Variants in WDSUB1 observed in about 807,000 individuals in gnomAD.
WDSUB1 encodes WD repeat, SAM and U-box domain-containing protein 1.
A neutral mutation model predicts 53.9 loss-of-function variants in WDSUB1; 49 were observed. The ratio of observed to expected loss-of-function variants is 0.91; its 90% CI spans 0.72 to 1.15. The LOEUF (loss-of-function observed/expected upper bound fraction) is 1.15. Among genes scored for constraint, WDSUB1 ranks in the 50% most tolerant of loss-of-function variants. WDSUB1 has a pLI of 0.00. For synonymous variants in WDSUB1, 194 were observed against 200.6 expected (o/e 0.97, Z 0.28); for missense variants, 514 against 562.0 (o/e 0.91, Z 0.86).
intron 10 of WDSUB1, among the ~76,000 whole-genome samples, chr2:159,236,916 C>T (rs1460950907): frequency 6.6e-6 from 1 of 152,100 alleles, no homozygotes; most frequent in East Asian, 1.9e-4. Context: ...CCACCATGCC[C>T]GGCCACCAAG....
chr2:159,248,598 A>G, intron 9 of WDSUB1, 86 bp from the exon 10 acceptor site: 1 of 1,368,826 alleles, frequency 7.3e-7, no homozygotes, highest in Non-Finnish European at 9.5e-7. Flanking sequence ...TCACAAATAG[A>G]GTTTGTTGTT....
chr2:159,280,458 G>A (rs1039305298), intron 2 of WDSUB1, among the ~76,000 whole-genome samples: 1 of 151,796 alleles, frequency 6.6e-6, no homozygotes, highest in Non-Finnish European at 1.5e-5. Flanking sequence ...TTGGGAGGCC[G>A]AGGCGGGCGG....
chr2:159,239,332 T>C (rs1189795908), intron 10 of WDSUB1, among the ~76,000 whole-genome samples: 1 of 141,624 alleles, frequency 7.1e-6, no homozygotes, highest in East Asian at 2.3e-4. Context: ...TTGTTCTAGT[T>C]TTTGTTACTG....
At chr2:159,281,267 GTCAC>G (rs759003094) in intron 2 of WDSUB1, among the ~76,000 whole-genome samples, 54 of 151,914 alleles carry the variant, frequency 3.6e-4, no homozygotes, top group Non-Finnish European at 5.1e-4. Flanking sequence ...TTGAGACAGG[GTCAC>G]TCAGTCACTC....
intron 1 of WDSUB1, among the ~76,000 whole-genome samples, chr2:159,285,781 CTTCTT>C (rs1408585205): frequency 6.6e-6 from 1 of 152,208 alleles, no homozygotes; most frequent in East Asian, 1.9e-4. Flanking sequence ...ATAAGTTCAG[CTTCTT>C]TTCTTCGAAC....
In WDSUB1 at chr2:159,256,257, G is replaced by A; in HGVS notation, c.1071C>T (p.Asn357=). ...KDLVGIFKMN[N]IDGKELLNLT... ...GATTCAACAGTTCTTTTCCATCAAT[G>A]TTATTCATCTTGAAAATACCAACAA... Residue 357 remains asparagine, a synonymous_variant, in exon 9 of 11, where the codon AAC becomes AAT. Transcript: ENST00000359774. The A allele has an allele frequency of 6.2e-7, 1 of 1,611,192 alleles. No individual in the cohort carries two copies. The highest frequency in any genetic ancestry group is 8.5e-7 in the Non-Finnish European group (1 of 1,179,118).
At chr2:159,266,468 G>C (rs547302694) in intron 5 of WDSUB1, among the ~76,000 whole-genome samples, 1 of 152,152 alleles carries the variant, frequency 6.6e-6, no homozygotes, top group Non-Finnish European at 1.5e-5. Context: ...GATTACAGGC[G>C]TGAGCCACCG....
rs758985078 is a variant in WDSUB1, at chr2:159,271,754, C to G, written c.718G>C (p.Ala240Pro). Residue 240 changes from alanine to proline, a missense_variant, in exon 5 of 11, where the codon GCT (alanine) becomes CCT (proline). Coordinates refer to ENST00000359774, the MANE Select transcript of WDSUB1 (RefSeq NM_001128212.3). ...GAAAAAGCACAAGCCAGAACAGGAG[C>G]ACAGTGCCCACTCAGTGTACTTTTA... is the stretch of plus-strand genomic sequence containing the variant. The part of the protein sequence containing the change: ...KYKSTLSGHC[A>P]PVLACAFSHD... The G allele has an allele frequency of 6.2e-7, 1 of 1,614,154 alleles. No homozygotes were observed. Among genetic ancestry groups the G allele is most frequent in the Admixed American group, 1.7e-5 (1 of 60,018 alleles).
At position 159,271,250 on chromosome 2, in the gene WDSUB1, A is replaced by G. The variant is rs549666640; in HGVS notation, c.770+452T>C. On this transcript the variant is annotated intron_variant, in intron 5 of 10. Transcript: ENST00000359774. Reference sequence around the variant, plus strand: ...GAACATGTACACCAGGACATACAATATATTCATAGAATTATTATTGTAATG... The same window carrying G: ...GAACATGTACACCAGGACATACAATGTATTCATAGAATTATTATTGTAATG... Among the ~76,000 whole-genome samples the G allele has an allele frequency of 2.0e-5, 3 of 152,338 alleles. No homozygotes were observed. In the East Asian group the frequency reaches 5.8e-4, roughly 29 times the overall value.
intron 5 of WDSUB1, among the ~76,000 whole-genome samples, chr2:159,265,870 C>T (rs976161454): frequency 3.9e-5 from 6 of 152,174 alleles, no homozygotes; most frequent in Non-Finnish European, 8.8e-5. Context: ...AAGGGAAAAA[C>T]CTCTTGCGTA....
At chr2:159,280,275 C>G (rs1007901505) in intron 2 of WDSUB1, among the ~76,000 whole-genome samples, 2 of 152,086 alleles carry the variant, frequency 1.3e-5, no homozygotes, top group African/African-American at 4.8e-5. Context: ...AAAACTTAAC[C>G]AGAAAAGCAA....
intron 4 of WDSUB1, among the ~76,000 whole-genome samples, chr2:159,273,698 G>A (rs2061486233): frequency 6.6e-6 from 1 of 152,164 alleles, no homozygotes; most frequent in Non-Finnish European, 1.5e-5. Flanking sequence ...GGGATTACAG[G>A]TGTGAGCCAC....
intron 10 of WDSUB1, among the ~76,000 whole-genome samples, chr2:159,242,616 T>C (rs1006283447): frequency 2.7e-5 from 4 of 147,490 alleles, no homozygotes; most frequent in Non-Finnish European, 2.9e-5. Context: ...GATTGTGCCA[T>C]TGCACTCCAG....
chr2:159,253,093 G>A (rs141987071), intron 9 of WDSUB1, among the ~76,000 whole-genome samples: 25 of 152,308 alleles, frequency 1.6e-4, no homozygotes, highest in African/African-American at 5.8e-4. Context: ...TGGAAGCTGT[G>A]TGGCTAGTTA....
At chr2:159,260,797 G>A (rs2061172182) in intron 5 of WDSUB1, among the ~76,000 whole-genome samples, 1 of 152,162 alleles carries the variant, frequency 6.6e-6, no homozygotes, top group African/African-American at 2.4e-5. Context: ...TTTTATGCCA[G>A]AACAATATAC....
intron 10 of WDSUB1, among the ~76,000 whole-genome samples, chr2:159,243,055 TAGAA>T (rs2060702899): frequency 6.9e-6 from 1 of 145,888 alleles, no homozygotes; most frequent in Non-Finnish European, 1.5e-5. Context: ...CAATCATCAA[TAGAA>T]AGAAATTGGT....
At chr2:159,262,518 GA>G (rs11446787) in intron 5 of WDSUB1, among the ~76,000 whole-genome samples, 5 of 149,396 alleles carry the variant, frequency 3.3e-5, no homozygotes, top group Admixed American at 6.7e-5. Flanking sequence ...TGAATCCATG[GA>G]AAAAAAAACA....
At chr2:159,250,512 A>G (rs2060927742) in intron 9 of WDSUB1, among the ~76,000 whole-genome samples, 1 of 152,242 alleles carries the variant, frequency 6.6e-6, no homozygotes, top group Admixed American at 6.5e-5. Flanking sequence ...GCACAGTGTT[A>G]GCTGATCACC....
intron 10 of WDSUB1, among the ~76,000 whole-genome samples, chr2:159,239,714 G>A (rs916160033): frequency 3.3e-5 from 5 of 152,130 alleles, no homozygotes; most frequent in African/African-American, 1.2e-4. Flanking sequence ...CTTGAGCCCT[G>A]GAGTTTAAGA....
Sources: gnomAD v4.1 joint callset for allele counts (sites outside exome capture counted in the v4.1 genomes callset) on GRCh38, gnomAD v4.1.1 for gene constraint, MANE v1.5 for transcripts, NCBI Gene and HGNC (gene_info 2026-07-23, HGNC 2026-07-21) for gene names.